The following DCLRE1C variants were observed in gnomAD, a reference collection of about 807,000 sequenced individuals.
DCLRE1C encodes DNA cross-link repair 1C, also known as protein artemis.
A neutral mutation model predicts 61.4 loss-of-function variants in DCLRE1C; 47 were observed. The observed-to-expected ratio is 0.77, with a 90% CI of 0.61 to 0.98. DCLRE1C has a LOEUF of 0.98. Among genes scored for constraint, DCLRE1C ranks in the 50% least tolerant of loss-of-function variants. DCLRE1C has a pLI of 0.00. For synonymous variants in DCLRE1C, 337 were observed against 287.6 expected, an observed-to-expected ratio of 1.17 and a Z score of -1.74; for missense variants, 858 against 816.0, an observed-to-expected ratio of 1.05 and a Z score of -0.63.
At chr10:14,941,315 C>T (rs112890148) in intron 3 of DCLRE1C, among the ~76,000 whole-genome samples, 2,265 of 152,302 alleles carry the variant, frequency 0.015, 54 homozygotes, top group African/African-American at 0.046. Flanking sequence ...GACAGGCTCT[C>T]GCTGTGTTAG....
intron 13 of DCLRE1C, chr10:14,899,487 T>C: frequency 1.3e-6 from 2 of 1,589,286 alleles, no homozygotes; most frequent in Non-Finnish European, 1.7e-6. Context: ...GGTAGATGAA[T>C]GCTTCTTTGG....
At chr10:14,909,607 G>GAAA (rs35882715) in intron 13 of DCLRE1C, among the ~76,000 whole-genome samples, 4 of 117,856 alleles carry the variant, frequency 3.4e-5, no homozygotes, top group South Asian at 2.7e-4. Context: ...TTCAAAAAAA[G>GAAA]AAAAAAAAAA....
chr10:14,901,291 T>C (rs774103632), downstream of DCLRE1C: 3 of 1,612,648 alleles, frequency 1.9e-6, no homozygotes, highest in Non-Finnish European at 2.5e-6. Flanking sequence ...GTTTCATTGG[T>C]GTCAGTTTCA....
intron 3 of DCLRE1C, 56 bp from the exon 4 acceptor site, chr10:14,939,925 C>T (rs760346438): frequency 4.5e-5 from 61 of 1,348,852 alleles, no homozygotes; most frequent in Non-Finnish European, 5.8e-5. Flanking sequence ...GCTTTATATG[C>T]CTTTGCTGTC....
At chr10:14,948,927 G>T in intron 2 of DCLRE1C, 109 bp downstream of exon 2, 1 of 787,476 alleles carries the variant, frequency 1.3e-6, no homozygotes, top group Non-Finnish European at 2.2e-6. Flanking sequence ...TCTGGGTGAT[G>T]CGTTCATTTT....
At chr10:14,928,443 A>G (rs1838393792) in intron 9 of DCLRE1C, among the ~76,000 whole-genome samples, 1 of 152,204 alleles carries the variant, frequency 6.6e-6, no homozygotes, top group African/African-American at 2.4e-5. Flanking sequence ...ACTGAACGCA[A>G]TGGACGACCC....
chr10:14,915,323 A>T (rs1835991128), intron 13 of DCLRE1C, among the ~76,000 whole-genome samples: 1 of 151,898 alleles, frequency 6.6e-6, no homozygotes. Flanking sequence ...CCAAAAAAAC[A>T]AAAAAGAGAG....
Position 14,908,880 on chromosome 10 carries a change from T to G in DCLRE1C, c.1607A>C (p.Asn536Thr). Residue 536 changes from asparagine (N) to threonine (T), a missense_variant, in exon 14 of 14, where the codon AAT becomes ACT. Asn to Thr is a moderately conservative substitution (Grantham distance 65). Transcript: ENST00000378278. ...TGTTATGTGTGTTGACTGGGAAGAA[T>G]TCTGGGAGGAGATGTGAGTTGATTC... ...DGESTHISSQ[N>T]SSQSTHITEQ... 6.2e-7 allele frequency: 1 copy of G among 1,614,210 alleles called. No homozygotes were observed. Among genetic ancestry groups the G allele is most frequent in the Non-Finnish European group, 8.5e-7 (1 of 1,180,044 alleles).
rs149039288 is a variant in DCLRE1C at position 14,928,144 on chromosome 10, T to A, written c.789A>T (p.Glu263Asp). Residue 263 changes from glutamate (E) to aspartate (D), a missense_variant, in exon 10 of 14, where the codon GAA (glutamate) becomes GAT (aspartate). By Grantham distance (45) the Glu-to-Asp change is conservative (BLOSUM62 2). Coordinates refer to ENST00000378278, the MANE Select transcript of DCLRE1C (RefSeq NM_001033855.3). Reference protein sequence around the residue: ...IHACRHPKAEEYFQWSKLPCG... With the variant: ...IHACRHPKAEDYFQWSKLPCG... ...AGGGTAATTTGCTCCACTGAAAATA[T>A]TCCTCTGCCTAAAAAAGATAAAAAG... 2 of 1,613,304 alleles carry A rather than the reference T, an allele frequency of 1.2e-6. No individual in the cohort carries two copies. Among genetic ancestry groups the A allele is most frequent in the Admixed American group, 3.3e-5 (2 of 59,996 alleles).
intron 3 of DCLRE1C, among the ~76,000 whole-genome samples, chr10:14,944,161 C>T (rs938271915): frequency 2.6e-5 from 4 of 152,142 alleles, no homozygotes; most frequent in East Asian, 1.9e-4. Context: ...TGTTAATGAA[C>T]ACTTTACACT....
At chr10:14,930,255 G>A (rs1424213985) in intron 9 of DCLRE1C, among the ~76,000 whole-genome samples, 1 of 148,478 alleles carries the variant, frequency 6.7e-6, no homozygotes, top group Non-Finnish European at 1.5e-5. Context: ...GGGACTCCAG[G>A]CATGCACCAC....
intron 3 of DCLRE1C, among the ~76,000 whole-genome samples, chr10:14,944,673 CTTTT>C (rs1165126470): frequency 8.5e-6 from 1 of 117,726 alleles, no homozygotes; most frequent in Non-Finnish European, 1.8e-5. Context: ...TTTTTTTTTT[CTTTT>C]TTTTTTTTTT....
intron 13 of DCLRE1C, among the ~76,000 whole-genome samples, chr10:14,911,984 T>C (rs1835334994): frequency 6.6e-6 from 1 of 152,212 alleles, no homozygotes; most frequent in Non-Finnish European, 1.5e-5. Flanking sequence ...CCGGAGAGAA[T>C]GTAAAATGTA....
downstream of DCLRE1C, chr10:14,899,769 A>T: frequency 6.8e-7 from 1 of 1,477,088 alleles, no homozygotes. Flanking sequence ...ATTCCCTTTA[A>T]ACTACATATC....
At chr10:14,898,032 A>G (rs1833709536) in exon 14 of DCLRE1C, 1 of 151,626 alleles carries the variant, frequency 6.6e-6, no homozygotes, top group South Asian at 2.1e-4. Flanking sequence ...TGTGAAGACC[A>G]TTCTCAAAAC....
chr10:14,899,215 G>A lies in DCLRE1C; in HGVS notation c.1254C>T (p.Leu418=), dbSNP rs959981975. The A allele has an allele frequency of 4.3e-6, 3 of 702,030 alleles. No homozygotes were observed. In the African/African-American group the frequency reaches 5.2e-5, roughly 12 times the overall value. The allele number at this position is 702,030 out of a possible 1,614,324, so 43.5% of individuals were successfully genotyped here. ...ATGCACCTGTGATCCAGCTAGTCAG[G>A]AGGCTGAGGCAGGAAGATCGCTTGA... The change falls in exon 14 of 14, where the codon CTC becomes CTT. Residue 418 remains leucine (L), a synonymous_variant. Transcript: ENST00000378289.
intron 4 of DCLRE1C, among the ~76,000 whole-genome samples, chr10:14,936,913 T>C (rs534132961): frequency 6.6e-6 from 1 of 152,336 alleles, no homozygotes; most frequent in Admixed American, 6.5e-5. Flanking sequence ...TTCAAATGTC[T>C]ATCAGCTGAT....
chr10:14,936,736 A>G, intron 4 of DCLRE1C, 143 bp from the exon 5 acceptor site: 1 of 654,010 alleles, frequency 1.5e-6, no homozygotes, highest in Non-Finnish European at 2.8e-6. Context: ...TCCAAATCCT[A>G]GAAACAAGTG....
rs1841460868 is a variant in DCLRE1C, at chr10:14,945,019, C to T, written c.246+86G>A. On this transcript the variant is annotated intron_variant, in intron 3 of 13. Transcript: ENST00000378278. The stretch of plus-strand genomic sequence containing the variant: ...TAATGTGGATAACTGAAGTATGTTA[C>T]AAACTGAGGCAAAGTTTTTGTCAAT... 3 of 1,018,480 alleles carry T rather than the reference C, an allele frequency of 2.9e-6. No homozygotes were observed. The South Asian group carries it at 4.2e-5, about 14-fold the overall frequency. The allele number at this position is 1,018,480 out of a possible 1,614,324, so 63.1% of individuals were successfully genotyped here. A position where few individuals can be genotyped will look rare whatever the true frequency, so the allele number is the denominator to read the frequency against.
Sources: allele counts gnomAD v4.1 joint callset (sites outside exome capture counted in the v4.1 genomes callset), GRCh38; gene constraint gnomAD v4.1.1; transcripts MANE v1.5; gene names NCBI Gene and HGNC (gene_info 2026-07-23, HGNC 2026-07-21).